MCPH1: variants seen among roughly 807,000 people sequenced by gnomAD.
MCPH1 encodes the protein microcephalin 1.
Under a neutral mutation model 84.5 loss-of-function variants are expected in MCPH1, and 104 were observed. The observed-to-expected ratio is 1.23, with a 90% CI of 1.05 to 1.45. MCPH1 has a LOEUF of 1.45. Ranked by LOEUF, MCPH1 falls within the 40% of genes most tolerant of loss-of-function variation. MCPH1 has a pLI of 0.00. For synonymous variants in MCPH1, 514 were observed against 366.8 expected, an observed-to-expected ratio of 1.40 and a Z score of -4.58; for missense variants, 1,498 against 1,005.7, an observed-to-expected ratio of 1.49 and a Z score of -6.62.
At chr8:6,555,642 T>G (rs192192906) in intron 12 of MCPH1, among the ~76,000 whole-genome samples, 1 of 152,158 alleles carries the variant, frequency 6.6e-6, no homozygotes, top group Non-Finnish European at 1.5e-5. Context: ...TTATATTTTT[T>G]GGTAGAGACG....
intron 12 of MCPH1, among the ~76,000 whole-genome samples, chr8:6,519,446 C>G (rs1305734875): frequency 6.6e-6 from 1 of 152,192 alleles, no homozygotes; most frequent in Non-Finnish European, 1.5e-5. Flanking sequence ...TGAAAAATGA[C>G]TTTGACACAG....
Position 6,445,474 on chromosome 8 carries a change from A to G in MCPH1, c.1752A>G (p.Pro584=), listed in dbSNP as rs372450763. ...GCGAAGCCCAGAGTGAACATGAGCC[A>G]TGTTTTATAGTTGACTGTAACATGG... ...SEGEAQSEHE[P]CFIVDCNMET... The change falls in exon 8 of 14, where the codon CCA becomes CCG. Residue 584 remains proline, a synonymous_variant. Transcript: ENST00000344683. 2.8e-4 allele frequency: 455 copies of G among 1,614,044 alleles called. No homozygotes were observed. The highest frequency in any genetic ancestry group is 3.5e-4 in the Non-Finnish European group (418 of 1,180,052).
intron 3 of MCPH1, among the ~76,000 whole-genome samples, chr8:6,427,341 G>A (rs1801204803): frequency 6.6e-6 from 1 of 152,112 alleles, no homozygotes; most frequent in African/African-American, 2.4e-5. Context: ...TACACTGGAT[G>A]TATATTTTTT....
chr8:6,560,882 C>G (rs1241987216), intron 12 of MCPH1, among the ~76,000 whole-genome samples: 1 of 152,198 alleles, frequency 6.6e-6, no homozygotes, highest in Non-Finnish European at 1.5e-5. Flanking sequence ...AATGTAGCAG[C>G]CTTGCATTTG....
At chr8:6,418,984 A>C (rs1041063351) in intron 3 of MCPH1, among the ~76,000 whole-genome samples, 1 of 152,076 alleles carries the variant, frequency 6.6e-6, no homozygotes, top group Non-Finnish European at 1.5e-5. Context: ...TATTTCTGCA[A>C]AAGTTTCTGG....
At chr8:6,604,084 C>G (rs1023808251) in intron 12 of MCPH1, among the ~76,000 whole-genome samples, 1 of 151,692 alleles carries the variant, frequency 6.6e-6, no homozygotes, top group Non-Finnish European at 1.5e-5. Context: ...CAGGCACACT[C>G]TGCTGGTGGC....
chr8:6,438,878 T>G, intron 5 of MCPH1, 75 bp from the exon 6 acceptor site: 3 of 1,411,318 alleles, frequency 2.1e-6, no homozygotes, highest in Non-Finnish European at 3.0e-6. Context: ...GGGGGGTTGT[T>G]CTTTAAAAGG....
At chr8:6,442,446 T>C (rs1803657561) in intron 7 of MCPH1, among the ~76,000 whole-genome samples, 1 of 152,240 alleles carries the variant, frequency 6.6e-6, no homozygotes, top group African/African-American at 2.4e-5. Context: ...GTATGCAGTT[T>C]AAACTACATA....
At chr8:6,586,492 T>C (rs1000687152) in intron 12 of MCPH1, among the ~76,000 whole-genome samples, 4 of 152,194 alleles carry the variant, frequency 2.6e-5, no homozygotes, top group Admixed American at 2.0e-4. Flanking sequence ...ACAGCCTCCA[T>C]GCAGTGCGTG....
At chr8:6,489,136 T>C (rs922039967) in intron 11 of MCPH1, among the ~76,000 whole-genome samples, 1 of 152,142 alleles carries the variant, frequency 6.6e-6, no homozygotes, top group East Asian at 1.9e-4. Context: ...AGATTCCTAC[T>C]GGACATTCAA....
At chr8:6,435,716 A>G (rs933509122) in intron 4 of MCPH1, among the ~76,000 whole-genome samples, 7 of 152,180 alleles carry the variant, frequency 4.6e-5, no homozygotes, top group African/African-American at 1.7e-4. Flanking sequence ...ACAAAGTTGA[A>G]CTAGATTGGG....
intron 8 of MCPH1, chr8:6,447,407 T>C (rs1804559613): frequency 1.0e-6 from 1 of 985,350 alleles, no homozygotes; most frequent in South Asian, 4.7e-5. Context: ...TTGCCATTTC[T>C]GTTTTCAGTT....
In MCPH1 at chr8:6,583,105, A is replaced by G. The variant is rs944543709; in HGVS notation, c.2215-38349A>G. ...AAAAATGCTGCTTTTCATCTTGGCA[A>G]TCTCTATCCTAACCAGCACAGTGCC... On this transcript the variant is annotated intron_variant, in intron 12 of 13. Transcript: ENST00000344683. Among the ~76,000 whole-genome samples the G allele has an allele frequency of 2.6e-5, 4 of 152,108 alleles. 1 individual carries two copies. The South Asian group carries it at 6.2e-4, about 24-fold the overall frequency.
intron 2 of MCPH1, among the ~76,000 whole-genome samples, chr8:6,412,406 G>T (rs974829955): frequency 1.3e-5 from 2 of 152,160 alleles, no homozygotes; most frequent in African/African-American, 2.4e-5. Flanking sequence ...TCAAAAATTG[G>T]CAAACAGTTC....
chr8:6,614,342 C>T (rs1048671851), intron 12 of MCPH1, among the ~76,000 whole-genome samples: 1 of 152,220 alleles, frequency 6.6e-6, no homozygotes, highest in African/African-American at 2.4e-5. Context: ...GGTGAGGGGC[C>T]TGCCTCCTTT....
intron 12 of MCPH1, among the ~76,000 whole-genome samples, chr8:6,535,813 C>T (rs1040269716): frequency 2.6e-5 from 4 of 151,240 alleles, no homozygotes; most frequent in Admixed American, 1.3e-4. Context: ...TTTGGGAGGC[C>T]GAGGCAGGAG....
At position 6,527,783 on chromosome 8, in the gene MCPH1, A is replaced by G. The variant is rs186246202; in HGVS notation, c.2214+27854A>G. Reference sequence around the variant, plus strand: ...AGCTACAGGAAAACATAACAAAAACATTATTTATTAACCCAAGTATCTTAT... The same window carrying G: ...AGCTACAGGAAAACATAACAAAAACGTTATTTATTAACCCAAGTATCTTAT... On this transcript the variant is annotated intron_variant, in intron 12 of 13. Coordinates refer to ENST00000344683, the MANE Select transcript of MCPH1 (RefSeq NM_024596.5). The G allele has an allele frequency of 4.7e-6, 5 of 1,057,012 alleles. No individual in the cohort carries two copies. The Admixed American group carries it at 1.4e-4, about 30-fold the overall frequency. 65.5% of individuals were successfully genotyped at this position (1,057,012 alleles called of 1,614,324 possible).
chr8:6,547,881 C>T (rs1384599270), intron 12 of MCPH1, among the ~76,000 whole-genome samples: 2 of 150,446 alleles, frequency 1.3e-5, no homozygotes, highest in Non-Finnish European at 2.9e-5. Context: ...GTCATCTTAC[C>T]CCCATTTTTT....
intron 13 of MCPH1, among the ~76,000 whole-genome samples, chr8:6,638,744 T>G (rs1375539812): frequency 6.6e-6 from 1 of 152,140 alleles, no homozygotes; most frequent in Admixed American, 6.5e-5. Flanking sequence ...TCCTATGAAG[T>G]GACATTGGAA....
Sources: allele counts gnomAD v4.1 joint callset (sites outside exome capture counted in the v4.1 genomes callset), GRCh38; gene constraint gnomAD v4.1.1; transcripts MANE v1.5; gene names NCBI Gene and HGNC (gene_info 2026-07-23, HGNC 2026-07-21).